The following GLIS3 variants were observed in gnomAD, a reference collection of about 807,000 sequenced individuals.
GLIS3 encodes zinc finger protein GLIS3.
GLIS3 carries 53 observed loss-of-function variants against 78.6 expected under a neutral mutation model. The observed-to-expected ratio is 0.67, with a 90% CI of 0.54 to 0.85. GLIS3 has a LOEUF of 0.85. Ranked by LOEUF, GLIS3 falls within the 40% of genes least tolerant of loss-of-function variation. GLIS3 has a pLI of 0.00. For missense variants in GLIS3, 1,703 were observed against 1,231.1 expected, an observed-to-expected ratio of 1.38 and a Z score of -5.74; for synonymous variants, 684 against 509.9, an observed-to-expected ratio of 1.34 and a Z score of -4.60.
intron 2 of GLIS3, among the ~76,000 whole-genome samples, chr9:4,272,738 G>A (rs138739615): frequency 6.6e-6 from 1 of 152,094 alleles, no homozygotes; most frequent in South Asian, 2.1e-4. Flanking sequence ...ACTTATATGA[G>A]GCTAATCCTT....
chr9:3,856,270 C>T (rs1447577171), intron 8 of GLIS3, 86 bp from the exon 9 acceptor site: 9 of 1,197,784 alleles, frequency 7.5e-6, no homozygotes, highest in Admixed American at 5.9e-5. Context: ...TTCTCACCTC[C>T]CATTCTGGCT....
intron 2 of GLIS3, among the ~76,000 whole-genome samples, chr9:4,246,454 A>G (rs1350506587): frequency 2.6e-5 from 4 of 152,172 alleles, no homozygotes; most frequent in Non-Finnish European, 5.9e-5. Flanking sequence ...TCACAACTCA[A>G]GAGGTATGGT....
intron 2 of GLIS3, among the ~76,000 whole-genome samples, chr9:4,251,829 G>C (rs946198276): frequency 3.3e-5 from 5 of 152,148 alleles, no homozygotes; most frequent in Non-Finnish European, 7.3e-5. Context: ...GCATTTGCTT[G>C]TCTGTAAAGG....
the GLIS3 span, among the ~76,000 whole-genome samples, chr9:4,485,030 G>C: frequency 2.7e-5 from 4 of 145,956 alleles, no homozygotes; most frequent in Admixed American, 1.4e-4. Flanking sequence ...GGGGGTGGTG[G>C]GGGGACAGGG....
At chr9:4,404,400 C>T in the GLIS3 span, among the ~76,000 whole-genome samples, 2 of 152,090 alleles carry the variant, frequency 1.3e-5, no homozygotes, top group Non-Finnish European at 2.9e-5. Flanking sequence ...AACATGTCAT[C>T]CAACAGCTGC....
At chr9:3,953,421 T>C (rs1020004512) in intron 4 of GLIS3, among the ~76,000 whole-genome samples, 1 of 152,216 alleles carries the variant, frequency 6.6e-6, no homozygotes, top group Non-Finnish European at 1.5e-5. Context: ...TAAGCCACTG[T>C]GGATAGACTA....
the GLIS3 span, among the ~76,000 whole-genome samples, chr9:4,401,374 C>G: frequency 6.6e-6 from 1 of 151,780 alleles, no homozygotes. Context: ...ATTCTCCTGC[C>G]TCAGCCTCCC....
chr9:4,086,740 C>T (rs1829057159), intron 4 of GLIS3, among the ~76,000 whole-genome samples: 1 of 152,206 alleles, frequency 6.6e-6, no homozygotes, highest in Admixed American at 6.5e-5. Context: ...GTGCCGGGCA[C>T]TGTGCACAGG....
intron 2 of GLIS3, among the ~76,000 whole-genome samples, chr9:4,327,110 C>G (rs985527131): frequency 9.2e-5 from 14 of 152,096 alleles, no homozygotes; most frequent in African/African-American, 2.9e-4. Context: ...AAAAGTGGGA[C>G]AGGAGCTGAG....
the GLIS3 span, among the ~76,000 whole-genome samples, chr9:4,486,432 T>C: frequency 6.6e-6 from 1 of 152,120 alleles, no homozygotes; most frequent in South Asian, 2.1e-4. Context: ...ATCCATTCAT[T>C]CTCCCTAGTA....
intron 4 of GLIS3, among the ~76,000 whole-genome samples, chr9:4,006,827 G>T (rs931560553): frequency 6.6e-6 from 1 of 152,248 alleles, no homozygotes; most frequent in Non-Finnish European, 1.5e-5. Flanking sequence ...AAAGCTAAAT[G>T]TAAGGATGAA....
At chr9:4,064,503 A>G (rs1337689703) in intron 4 of GLIS3, among the ~76,000 whole-genome samples, 2 of 152,198 alleles carry the variant, frequency 1.3e-5, no homozygotes, top group African/African-American at 4.8e-5. Flanking sequence ...TATTTCAGAA[A>G]ATATACCTAC....
At chr9:4,089,264 G>A (rs898530720) in intron 4 of GLIS3, among the ~76,000 whole-genome samples, 4 of 152,100 alleles carry the variant, frequency 2.6e-5, no homozygotes, top group Non-Finnish European at 2.9e-5. Context: ...TATCACCTCT[G>A]AAAATTGCTG....
intron 2 of GLIS3, among the ~76,000 whole-genome samples, chr9:4,187,218 G>A (rs1339171000): frequency 6.6e-6 from 1 of 152,024 alleles, no homozygotes. Flanking sequence ...ACATATGGCT[G>A]GCCAGTTTTC....
chr9:4,048,502 A>C (rs921829722), intron 4 of GLIS3, among the ~76,000 whole-genome samples: 2 of 152,194 alleles, frequency 1.3e-5, no homozygotes, highest in African/African-American at 4.8e-5. Context: ...AAAAGTAGCT[A>C]GCACGGTCAG....
At chr9:4,108,745 T>C (rs560322908) in intron 4 of GLIS3, among the ~76,000 whole-genome samples, 1 of 152,150 alleles carries the variant, frequency 6.6e-6, no homozygotes, top group Non-Finnish European at 1.5e-5. Context: ...AAAAGATAAC[T>C]GTCTGGTGAG....
At chr9:4,316,288 C>A (rs1196562558) in intron 2 of GLIS3, among the ~76,000 whole-genome samples, 1 of 152,248 alleles carries the variant, frequency 6.6e-6, no homozygotes, top group Non-Finnish European at 1.5e-5. Context: ...AACCCCTTCA[C>A]AGATTCTCCC....
At chr9:4,089,844 T>C (rs560357150) in intron 4 of GLIS3, among the ~76,000 whole-genome samples, 7 of 152,202 alleles carry the variant, frequency 4.6e-5, no homozygotes, top group Admixed American at 1.3e-4. Flanking sequence ...CCATAAAAAA[T>C]TGAATTCTCA....
Position 4,286,479 on chromosome 9 carries a change from T to C in GLIS3, c.-54A>G. 1 of 1,603,682 alleles carries C rather than the reference T, an allele frequency of 6.2e-7. No individual in the cohort carries two copies. Among genetic ancestry groups the C allele is most frequent in the East Asian group, 2.2e-5 (1 of 44,862 alleles). On this transcript the variant is annotated 5_prime_UTR_variant, in exon 2 of 11. Coordinates refer to ENST00000381971, the MANE Select transcript of GLIS3 (RefSeq NM_001042413.2). Reference sequence around the variant, plus strand: ...AATATCCAATGTCACTAATGACTCCTTTCAGGCAAAGTCCAATAAGTTATC... The same window carrying C: ...AATATCCAATGTCACTAATGACTCCCTTCAGGCAAAGTCCAATAAGTTATC...
Sources: gnomAD v4.1 joint callset for allele counts (sites outside exome capture counted in the v4.1 genomes callset) on GRCh38, gnomAD v4.1.1 for gene constraint, MANE v1.5 for transcripts, NCBI Gene and HGNC (gene_info 2026-07-23, HGNC 2026-07-21) for gene names.